The following CUBN variants were observed in gnomAD, a reference collection of about 807,000 sequenced individuals.
CUBN encodes 460 kDa receptor.
A neutral mutation model predicts 405.3 loss-of-function variants in CUBN; 282 were observed. The observed-to-expected ratio is 0.70, with a 90% CI of 0.63 to 0.77. The LOEUF is 0.77. Ranked by LOEUF, CUBN falls within the 30% of genes least tolerant of loss-of-function variation. The pLI is 0.00. For missense variants in CUBN, 4,514 were observed against 4,475.2 expected (o/e 1.01, Z -0.25); for synonymous variants, 1,684 against 1,617.0 (o/e 1.04, Z -0.99).
chr10:16,996,253 A>G lies in CUBN; in HGVS notation c.4169-5738T>C, dbSNP rs1588562709. 2.6e-5 allele frequency among the ~76,000 whole-genome samples: 4 copies of G among 152,384 alleles called. No individual in the cohort carries two copies. In the East Asian group the frequency reaches 7.7e-4, roughly 29 times the overall value. On this transcript the variant is annotated intron_variant, in intron 28 of 66. Transcript: ENST00000377833. ...TAGACATCAGCTGAACTGGAATAAA[A>G]TAATGCCCTGAAGAGAAGCCTATGT...
chr10:16,987,962 T>C (rs1008140446), intron 29 of CUBN, among the ~76,000 whole-genome samples: 2 of 152,156 alleles, frequency 1.3e-5, no homozygotes, highest in African/African-American at 4.8e-5. Flanking sequence ...TGTCAGCTTG[T>C]CATAATAAAA....
chr10:17,106,300 T>A (rs1289016887), intron 10 of CUBN, among the ~76,000 whole-genome samples: 1 of 147,166 alleles, frequency 6.8e-6, no homozygotes, highest in African/African-American at 2.5e-5. Flanking sequence ...AAAAATTTTT[T>A]AATTATAATA....
intron 31 of CUBN, among the ~76,000 whole-genome samples, chr10:16,981,028 A>T (rs1225270468): frequency 6.6e-6 from 1 of 152,080 alleles, no homozygotes; most frequent in East Asian, 1.9e-4. Flanking sequence ...TTGGTAGAAG[A>T]GGTTGAGGTC....
intron 41 of CUBN, among the ~76,000 whole-genome samples, 197 bp downstream of exon 41, chr10:16,927,960 C>T (rs1193237168): frequency 6.6e-6 from 1 of 152,190 alleles, no homozygotes; most frequent in Non-Finnish European, 1.5e-5. Flanking sequence ...TTTTGTACGA[C>T]TTGGCCCCAG....
Position 16,918,770 on chromosome 10 carries a change from A to G in CUBN, c.6852T>C (p.Asp2284=). Residue 2284 remains aspartate (D), a synonymous_variant, in exon 45 of 67, where the codon GAT becomes GAC. Transcript: ENST00000377833. ...GTATTGGTGCATCCGAATCCACTCC[A>G]TCCCGCAACTCAAGGTAGTTGGAAG... ...NCTSNYLELR[D]GVDSDAPILS... is the part of the protein sequence containing the mutation. 1 of 1,613,916 alleles carries G rather than the reference A, an allele frequency of 6.2e-7. No individual in the cohort carries two copies. The highest frequency in any genetic ancestry group is 8.5e-7 in the Non-Finnish European group (1 of 1,179,872).
chr10:16,947,748 G>A (rs530570951), intron 35 of CUBN, among the ~76,000 whole-genome samples: 5 of 152,268 alleles, frequency 3.3e-5, no homozygotes, highest in Admixed American at 2.6e-4. Context: ...GTAGAGCACC[G>A]AAATGCACAC....
At chr10:16,988,222 T>A (rs1245810492) in intron 29 of CUBN, among the ~76,000 whole-genome samples, 2 of 152,266 alleles carry the variant, frequency 1.3e-5, no homozygotes, top group Non-Finnish European at 2.9e-5. Context: ...ATAAAGGGTT[T>A]GGAACATTGC....
chr10:17,069,764 G>A (rs1004113935), intron 19 of CUBN, among the ~76,000 whole-genome samples: 11 of 152,184 alleles, frequency 7.2e-5, no homozygotes, highest in South Asian at 4.1e-4. Context: ...GGCTGGTCTC[G>A]AACTCCTGAG....
intron 29 of CUBN, among the ~76,000 whole-genome samples, chr10:16,986,300 T>A (rs1310723778): frequency 1.6e-5 from 2 of 123,228 alleles, no homozygotes; most frequent in South Asian, 5.9e-4. Context: ...CGGGACACTC[T>A]GCCCCCATTC....
At position 17,047,626 on chromosome 10, in the gene CUBN, A is replaced by G. The variant is rs755504529; in HGVS notation, c.3140-23T>C. ...ATGCTGTGAACAGAAACAGACCATA[A>G]GAGAGAAAATAGAAAATATTGATAT... is the stretch of plus-strand genomic sequence containing the variant. On this transcript the variant is annotated intron_variant, in intron 22 of 66. Coordinates refer to ENST00000377833, the MANE Select transcript of CUBN (RefSeq NM_001081.4). 1.1e-5 allele frequency: 18 copies of G among 1,601,662 alleles called. No homozygotes were observed. In the African/African-American group the frequency reaches 1.9e-4, roughly 17 times the overall value.
At position 17,104,507 on chromosome 10, in the gene CUBN, A is replaced by G; in HGVS notation, c.1329T>C (p.Asn443=). 1 of 1,614,022 alleles carries G rather than the reference A, an allele frequency of 6.2e-7. No homozygotes were observed. Among genetic ancestry groups the G allele is most frequent in the African/African-American group, 1.3e-5 (1 of 74,990 alleles). The change falls in exon 12 of 67, where the codon AAT becomes AAC. Residue 443 remains asparagine, a synonymous_variant. Coordinates refer to ENST00000377833, the MANE Select transcript of CUBN (RefSeq NM_001081.4). Reference sequence around the variant, plus strand: ...CAACGCCATCAACACAAGTTCCTCCATTCAAACAGGGGTTGCTCAAACACT... The same window carrying G: ...CAACGCCATCAACACAAGTTCCTCCGTTCAAACAGGGGTTGCTCAAACACT... ...INECLSNPCL[N]GGTCVDGVDS...
At chr10:17,127,134 G>C (rs979089028) in intron 3 of CUBN, among the ~76,000 whole-genome samples, 4 of 151,886 alleles carry the variant, frequency 2.6e-5, no homozygotes, top group African/African-American at 9.7e-5. Context: ...ATTGCTCTCA[G>C]AACTTCAGCA....
chr10:17,107,654 C>A (rs949754365), intron 10 of CUBN, among the ~76,000 whole-genome samples: 3 of 151,964 alleles, frequency 2.0e-5, no homozygotes, highest in South Asian at 2.1e-4. Flanking sequence ...CCCGCCACCA[C>A]GCCTGGCTAA....
intron 22 of CUBN, among the ~76,000 whole-genome samples, chr10:17,061,880 A>G (rs754632156): frequency 7.9e-5 from 12 of 152,194 alleles, no homozygotes; most frequent in Non-Finnish European, 1.2e-4. Context: ...TGGCAAAAGC[A>G]ATGGATTCTA....
chr10:16,901,245 C>G (rs978950376), intron 52 of CUBN, 93 bp downstream of exon 52: 18 of 1,550,352 alleles, frequency 1.2e-5, no homozygotes, highest in Non-Finnish European at 1.4e-5. Flanking sequence ...CTTCTCTAAT[C>G]ACTTGCTTAA....
chr10:17,066,659 C>T (rs1034899001), intron 21 of CUBN, among the ~76,000 whole-genome samples: 28 of 151,714 alleles, frequency 1.8e-4, no homozygotes, highest in Admixed American at 9.2e-4. Context: ...ATTCAGCAAA[C>T]GTTCTGTATT....
intron 17 of CUBN, among the ~76,000 whole-genome samples, chr10:17,082,537 C>G (rs1835996339): frequency 6.6e-6 from 1 of 152,114 alleles, no homozygotes; most frequent in Admixed American, 6.5e-5. Context: ...AGAGAATCAC[C>G]ATGAAGGCTT....
chr10:16,991,622 T>C (rs1404660577), intron 28 of CUBN, among the ~76,000 whole-genome samples: 1 of 112,026 alleles, frequency 8.9e-6, no homozygotes, highest in African/African-American at 2.9e-5. Context: ...TTTCTGGGCC[T>C]CTTTTTCTGT....
chr10:17,097,302 T>C (rs1185643558), intron 14 of CUBN, among the ~76,000 whole-genome samples: 1 of 152,046 alleles, frequency 6.6e-6, no homozygotes, highest in African/African-American at 2.4e-5. Flanking sequence ...TAAGAAAATA[T>C]TCTGAAAGTA....
Sources: allele counts gnomAD v4.1 joint callset (sites outside exome capture counted in the v4.1 genomes callset), GRCh38; gene constraint gnomAD v4.1.1; transcripts MANE v1.5; gene names NCBI Gene and HGNC (gene_info 2026-07-23, HGNC 2026-07-21).